The following STPG2 variants were observed in gnomAD, a reference collection of about 807,000 sequenced individuals.
STPG2 encodes sperm-tail PG-rich repeat-containing protein 2.
STPG2 carries 56 observed loss-of-function variants against 54.2 expected under a neutral mutation model. The observed-to-expected ratio is 1.03, with a 90% confidence interval of 0.83 to 1.29. The LOEUF (loss-of-function observed/expected upper bound fraction) is 1.29. STPG2 is among the 50% of genes most tolerant of loss of function. STPG2 has a pLI of 0.00. For missense variants in STPG2, 596 were observed against 544.9 expected (o/e 1.09, Z -0.93); for synonymous variants, 200 against 181.8 (o/e 1.10, Z -0.81).
intron 5 of STPG2, among the ~76,000 whole-genome samples, chr4:98,076,280 C>A (rs1025951035): frequency 1.3e-5 from 2 of 150,860 alleles, no homozygotes; most frequent in African/African-American, 2.4e-5. Flanking sequence ...GAGTAGTGAA[C>A]CATCCACGTA....
intron 8 of STPG2, among the ~76,000 whole-genome samples, chr4:97,932,571 G>T (rs1227667375): frequency 6.6e-6 from 1 of 152,084 alleles, no homozygotes; most frequent in South Asian, 2.1e-4. Flanking sequence ...CTGTGTCCAT[G>T]TGTTCTCATT....
chr4:97,721,745 T>C (rs546874423), intron 9 of STPG2, among the ~76,000 whole-genome samples: 14 of 152,180 alleles, frequency 9.2e-5, no homozygotes, highest in Admixed American at 3.3e-4. Flanking sequence ...AGCTAAGTAA[T>C]ACAGTTACAA....
intron 5 of STPG2, among the ~76,000 whole-genome samples, chr4:97,997,457 C>T (rs552119451): frequency 7.2e-5 from 11 of 152,148 alleles, no homozygotes; most frequent in South Asian, 6.2e-4. Flanking sequence ...CCAGATCTCA[C>T]GAGAACTCAC....
intron 7 of STPG2, among the ~76,000 whole-genome samples, chr4:97,955,328 C>T (rs1384336860): frequency 1.3e-5 from 2 of 151,814 alleles, no homozygotes; most frequent in Non-Finnish European, 2.9e-5. Context: ...CATTCTCCTG[C>T]CTCAGCCTCC....
At position 97,543,300 on chromosome 4, in the gene STPG2, T is replaced by G. The variant is rs186175431; in HGVS notation, c.462+169399A>C. Among the ~76,000 whole-genome samples the G allele has an allele frequency of 1.7e-3, 251 of 151,912 alleles. 2 individuals are homozygous for G. The Middle Eastern group carries it at 0.02, about 12-fold the overall frequency. The stretch of plus-strand genomic sequence containing the variant: ...GAAAAAATAAATTTTTCTGACTTAT[T>G]ATTAAAGAGAATAACTGATTACTTG... On this transcript the variant is annotated intron_variant, in intron 4 of 4. Coordinates refer to the STPG2 transcript ENST00000522676.
intron 4 of STPG2, among the ~76,000 whole-genome samples, chr4:97,516,563 G>A (rs1333104864): frequency 1.3e-5 from 2 of 151,856 alleles, no homozygotes; most frequent in Admixed American, 6.6e-5. Flanking sequence ...TGGCTGACAC[G>A]TGTAATCCCA....
At chr4:97,901,891 C>T (rs1051289027) in intron 8 of STPG2, among the ~76,000 whole-genome samples, 6 of 151,898 alleles carry the variant, frequency 4.0e-5, no homozygotes, top group African/African-American at 1.4e-4. Context: ...TGCAGGCATA[C>T]AGATCCTTAT....
chr4:98,140,589 G>A (rs1740253503), intron 1 of STPG2, among the ~76,000 whole-genome samples: 1 of 152,114 alleles, frequency 6.6e-6, no homozygotes, highest in Non-Finnish European at 1.5e-5. Flanking sequence ...AGTAGTCAGG[G>A]AGAAAAGAGT....
intron 10 of STPG2, among the ~76,000 whole-genome samples, chr4:97,618,819 T>C (rs190780103): frequency 8.0e-4 from 122 of 152,304 alleles, no homozygotes; most frequent in Non-Finnish European, 1.2e-3. Context: ...ACAGCAGCAA[T>C]AGCACCCATT....
At chr4:97,885,571 T>C (rs1440006156) in intron 8 of STPG2, among the ~76,000 whole-genome samples, 1 of 152,178 alleles carries the variant, frequency 6.6e-6, no homozygotes, top group Admixed American at 6.6e-5. Context: ...GCATAATATA[T>C]AAATGAACAA....
chr4:97,584,983 G>A (rs1413836724), intron 10 of STPG2, among the ~76,000 whole-genome samples: 1 of 148,572 alleles, frequency 6.7e-6, no homozygotes, highest in East Asian at 2.0e-4. Context: ...AAAATATAAA[G>A]AAAGGAGGAA....
chr4:97,889,611 A>T (rs1031890056), intron 8 of STPG2, among the ~76,000 whole-genome samples: 1 of 152,190 alleles, frequency 6.6e-6, no homozygotes, highest in Non-Finnish European at 1.5e-5. Context: ...GAATTGAAAA[A>T]ATTGATTTCA....
intron 9 of STPG2, among the ~76,000 whole-genome samples, chr4:97,736,249 C>T (rs146947633): frequency 0.013 from 2,053 of 152,290 alleles, 18 homozygotes; most frequent in Non-Finnish European, 0.02. Flanking sequence ...CGAATAGGAA[C>T]AGCTCCAGTC....
intron 9 of STPG2, among the ~76,000 whole-genome samples, chr4:97,724,137 A>G (rs1254484926): frequency 1.3e-5 from 2 of 152,324 alleles, no homozygotes; most frequent in Admixed American, 6.5e-5. Flanking sequence ...ACAAAACCGC[A>G]AAGTTTTTAT....
Position 98,054,316 on chromosome 4 carries a change from CA to C in STPG2, c.612+51636del, listed in dbSNP as rs372376013. The stretch of plus-strand genomic sequence containing the variant: ...ATATAAAGTTTAATTTTGCAATTTA[CA>C]TTTTTTACAATTTACTCCAAAGAAT... On this transcript the variant is annotated intron_variant, in intron 5 of 10. Coordinates refer to ENST00000295268, the MANE Select transcript of STPG2 (RefSeq NM_174952.3). Among the ~76,000 whole-genome samples the C allele has an allele frequency of 2.3e-4, 35 of 152,212 alleles. 1 individual carries two copies. The East Asian group carries it at 3.3e-3, about 14-fold the overall frequency.
At chr4:98,045,107 A>C (rs1737085065) in intron 5 of STPG2, among the ~76,000 whole-genome samples, 1 of 151,680 alleles carries the variant, frequency 6.6e-6, no homozygotes, top group Admixed American at 6.6e-5. Context: ...AAAAGGAAAA[A>C]AAAAAAAGGA....
chr4:97,781,926 C>A (rs1022980435), intron 9 of STPG2, among the ~76,000 whole-genome samples: 3 of 152,076 alleles, frequency 2.0e-5, no homozygotes, highest in African/African-American at 7.2e-5. Flanking sequence ...ATTGATAGGC[C>A]GTATCTTAAA....
chr4:97,962,610 G>C (rs1461163481), intron 7 of STPG2, among the ~76,000 whole-genome samples: 1 of 152,102 alleles, frequency 6.6e-6, no homozygotes, highest in East Asian at 1.9e-4. Context: ...GTTTTAAATT[G>C]TCAACAAGAA....
At chr4:97,561,472 T>C (rs1732240325) in intron 10 of STPG2, among the ~76,000 whole-genome samples, 1 of 152,234 alleles carries the variant, frequency 6.6e-6, no homozygotes. Context: ...TATGACAATT[T>C]TGGCTTTTGT....
Sources: gnomAD v4.1 joint callset for allele counts (sites outside exome capture counted in the v4.1 genomes callset) on GRCh38, gnomAD v4.1.1 for gene constraint, MANE v1.5 for transcripts, NCBI Gene and HGNC (gene_info 2026-07-23, HGNC 2026-07-21) for gene names.